The following MYO18B variants were observed in gnomAD, a reference collection of about 807,000 sequenced individuals.
The protein encoded by MYO18B is myosin XVIIIB, also known as unconventional myosin-XVIIIb.
MYO18B carries 204 observed loss-of-function variants against 273.0 expected under a neutral mutation model. The observed-to-expected ratio is 0.75, with a 90% CI of 0.67 to 0.84. The LOEUF (loss-of-function observed/expected upper bound fraction) is 0.84. Ranked by LOEUF, MYO18B falls within the 40% of genes least tolerant of loss-of-function variation. The pLI is 0.00. For missense variants in MYO18B, 3,212 were observed against 3,287.6 expected (o/e 0.98, Z 0.56); for synonymous variants, 1,330 against 1,305.7 (o/e 1.02, Z -0.40).
chr22:26,023,033 A>G (rs1935941173), intron 42 of MYO18B, among the ~76,000 whole-genome samples: 1 of 152,360 alleles, frequency 6.6e-6, no homozygotes, highest in Non-Finnish European at 1.5e-5. Flanking sequence ...GTTAAAGCCA[A>G]GATGGCAGAT....
At chr22:25,953,526 C>G (rs900425091) in intron 38 of MYO18B, 30 of 152,160 alleles carry the variant, frequency 2.0e-4, no homozygotes, top group African/African-American at 7.0e-4. Flanking sequence ...GGCATCTGGT[C>G]TCCAATAAGG....
At chr22:25,779,086 A>G (rs1302464974) in intron 8 of MYO18B, among the ~76,000 whole-genome samples, 3 of 152,144 alleles carry the variant, frequency 2.0e-5, no homozygotes, top group Admixed American at 6.5e-5. Flanking sequence ...GATAAGCTAT[A>G]TATTCCTTTA....
At chr22:25,760,685 A>G (rs1471434135) in intron 1 of MYO18B, among the ~76,000 whole-genome samples, 6 of 152,150 alleles carry the variant, frequency 3.9e-5, no homozygotes, top group Non-Finnish European at 7.3e-5. Context: ...TCAGGGTGCT[A>G]GTTATATTGG....
At chr22:26,039,542 C>T in the MYO18B span, among the ~76,000 whole-genome samples, 15,247 of 152,152 alleles carry the variant, frequency 0.1, 903 homozygotes, top group Middle Eastern at 0.17. Flanking sequence ...CCTTGACTTC[C>T]AGGTGGGGCT....
intron 25 of MYO18B, among the ~76,000 whole-genome samples, chr22:25,887,853 C>G (rs145974169): frequency 6.6e-6 from 1 of 152,178 alleles, no homozygotes. Flanking sequence ...ATTAATGCAT[C>G]AAATTAATTG....
intron 40 of MYO18B, among the ~76,000 whole-genome samples, chr22:26,001,915 A>G (rs1484492924): frequency 6.6e-6 from 1 of 152,210 alleles, no homozygotes; most frequent in African/African-American, 2.4e-5. Flanking sequence ...GGCTATAAAG[A>G]CTTTCCTGAG....
intron 17 of MYO18B, among the ~76,000 whole-genome samples, chr22:25,843,032 A>G (rs571531496): frequency 1.3e-5 from 2 of 152,286 alleles, no homozygotes; most frequent in East Asian, 3.9e-4. Context: ...TTTAAGCCAT[A>G]AGCCACTCTG....
chr22:25,996,126 T>C (rs930564150), intron 40 of MYO18B, among the ~76,000 whole-genome samples: 1 of 152,226 alleles, frequency 6.6e-6, no homozygotes, highest in African/African-American at 2.4e-5. Context: ...AGAGATCTAA[T>C]GGTTAATTTC....
rs2086968584 is a variant in MYO18B, at chr22:25,777,662, A to G, written c.1949A>G (p.Gln650Arg). 6.2e-7 allele frequency: 1 copy of G among 1,613,136 alleles called. No homozygotes were observed. Among genetic ancestry groups the G allele is most frequent in the Admixed American group, 1.7e-5 (1 of 59,942 alleles). The change falls in exon 8 of 44, where the codon CAG (glutamine) becomes CGG (arginine). Residue 650 changes from glutamine to arginine, a missense_variant. Physicochemically the swap from Gln to Arg is conservative, Grantham distance 43. Transcript: ENST00000335473. The part of the protein sequence containing the change: ...AQRAYWALLN[Q>R]RRDQSIVALG... ...CGGGCATACTGGGCGCTGCTGAACC[A>G]GCGGAGAGACCAGAGCATTGTGGCC...
At chr22:25,805,298 C>T (rs961431733) in intron 12 of MYO18B, among the ~76,000 whole-genome samples, 1 of 152,220 alleles carries the variant, frequency 6.6e-6, no homozygotes, top group Non-Finnish European at 1.5e-5. Flanking sequence ...TGCACCCGAG[C>T]TTGGACTGGG....
chr22:25,828,635 G>A, intron 14 of MYO18B, 141 bp from the exon 15 acceptor site: 2 of 703,090 alleles, frequency 2.8e-6, no homozygotes, highest in Non-Finnish European at 4.7e-6. Flanking sequence ...CCTGCTCAGA[G>A]AGGTTAAGTA....
Position 25,777,777 on chromosome 22 carries a change from C to T in MYO18B, c.2064C>T (p.Val688=), listed in dbSNP as rs1485671998. 3 of 1,595,692 alleles carry T rather than the reference C, an allele frequency of 1.9e-6. No individual in the cohort carries two copies. Among genetic ancestry groups the T allele is most frequent in the Middle Eastern group, 1.7e-4 (1 of 5,976 alleles). The stretch of plus-strand genomic sequence containing the variant: ...TGGCAGGCAGTGTGGATGGCAGGGT[C>T]TCAGGTATGGTGGTCTCTAGGTGAC... ...VGMAGSVDGR[V]SVEKIRATFT... Residue 688 remains valine, a synonymous_variant, in exon 8 of 44, where the codon GTC becomes GTT. Coordinates refer to ENST00000335473, the MANE Select transcript of MYO18B (RefSeq NM_032608.7).
chr22:26,046,031 T>A, the MYO18B span, among the ~76,000 whole-genome samples: 1 of 152,250 alleles, frequency 6.6e-6, no homozygotes, highest in Non-Finnish European at 1.5e-5. Flanking sequence ...ATAGTGGTTA[T>A]TAATTGCATA....
intron 39 of MYO18B, among the ~76,000 whole-genome samples, chr22:25,982,373 C>G (rs1409792959): frequency 1.3e-5 from 2 of 152,232 alleles, no homozygotes; most frequent in African/African-American, 4.8e-5. Context: ...TGCAGACAAC[C>G]AAAGCCCTGG....
intron 3 of MYO18B, among the ~76,000 whole-genome samples, chr22:25,766,397 CAG>C (rs1250747898): frequency 2.0e-5 from 3 of 152,018 alleles, no homozygotes; most frequent in Non-Finnish European, 4.4e-5. Flanking sequence ...AAGATGAAAA[CAG>C]AGACTTTGCT....
At chr22:25,940,292 C>CTGA (rs3070594) in intron 34 of MYO18B, among the ~76,000 whole-genome samples, 125,381 of 151,808 alleles carry the variant, frequency 0.83, 52,853 homozygotes, top group Middle Eastern at 0.96. Context: ...CTCACGAGAT[C>CTGA]TGGTTTTATA....
At chr22:25,867,770 C>T (rs1601405191) in intron 21 of MYO18B, among the ~76,000 whole-genome samples, 3 of 152,238 alleles carry the variant, frequency 2.0e-5, no homozygotes, top group Admixed American at 2.0e-4. Flanking sequence ...GCTGGGACTA[C>T]AGGCGCCCGC....
Position 26,028,837 on chromosome 22 carries a change from G to A in MYO18B, c.*12+1147G>A, listed in dbSNP as rs1022302883. ...CGGGAGGCGGAGCTTGCAGTGAGCC[G>A]AGATCTCGCCACTGCACTCCAGCCT... On this transcript the variant is annotated intron_variant, in intron 43 of 43. Coordinates refer to ENST00000335473, the MANE Select transcript of MYO18B (RefSeq NM_032608.7). Among the ~76,000 whole-genome samples, 6 of 143,332 alleles carry A rather than the reference G, an allele frequency of 4.2e-5. No individual in the cohort carries two copies. The South Asian group carries it at 6.6e-4, about 16-fold the overall frequency. 94.0% of individuals were successfully genotyped at this position (143,332 alleles called of 152,430 possible).
Position 25,832,914 on chromosome 22 carries a change from C to T in MYO18B, c.2980-3C>T. 4 of 1,613,232 alleles carry T rather than the reference C, an allele frequency of 2.5e-6. No individual in the cohort carries two copies. The highest frequency in any genetic ancestry group is 1.3e-5 in the African/African-American group (1 of 74,984). On this transcript the variant is annotated splice_region_variant and splice_polypyrimidine_tract_variant and intron_variant, in intron 15 of 43. Coordinates refer to ENST00000335473, the MANE Select transcript of MYO18B (RefSeq NM_032608.7). The stretch of plus-strand genomic sequence containing the variant: ...CTAACTTTTAAATCCTGTTATTTTC[C>T]AGGAAGGTGTTCCTGTGCAGTTTGA...
Sources: gnomAD v4.1 joint callset for allele counts (sites outside exome capture counted in the v4.1 genomes callset) on GRCh38, gnomAD v4.1.1 for gene constraint, MANE v1.5 for transcripts, NCBI Gene and HGNC (gene_info 2026-07-23, HGNC 2026-07-21) for gene names.